Variants in RSRC1 observed in about 807,000 individuals in gnomAD.
RSRC1 encodes serine/Arginine-related protein 53.
In RSRC1, 39 loss-of-function variants were observed where a neutral mutation model predicts 49.1. That is an observed-to-expected ratio of 0.79 (90% CI 0.61 to 1.04). The LOEUF is 1.04. Among genes scored for constraint, RSRC1 ranks in the 50% least tolerant of loss-of-function variants. RSRC1 has a pLI of 0.00. For synonymous variants in RSRC1, 143 were observed against 130.8 expected (o/e 1.09, Z -0.63); for missense variants, 388 against 402.4 (o/e 0.96, Z 0.31).
At chr3:158,393,069 T>G (rs1443750758) in intron 6 of RSRC1, among the ~76,000 whole-genome samples, 1 of 152,120 alleles carries the variant, frequency 6.6e-6, no homozygotes, top group Non-Finnish European at 1.5e-5. Context: ...TGCTTCTTTT[T>G]GTATAAACAA....
rs572276536 is a variant in RSRC1 at position 158,396,281 on chromosome 3, C to T, written c.583+41373C>T. 9.2e-4 allele frequency among the ~76,000 whole-genome samples: 140 copies of T among 152,034 alleles called. 4 individuals are homozygous for T. In the South Asian group the frequency reaches 0.028, roughly 30 times the overall value. ...TGATGAGATAATCTGTTCACCAAAC[C>T]CCCATGACATGCAATTTACCTATAT... On this transcript the variant is annotated intron_variant, in intron 6 of 9. Transcript: ENST00000611884.
chr3:158,328,809 C>A (rs1272358107), intron 5 of RSRC1, among the ~76,000 whole-genome samples: 1 of 152,206 alleles, frequency 6.6e-6, no homozygotes, highest in Non-Finnish European at 1.5e-5. Context: ...GAAAGTTCTC[C>A]TGGATAATAT....
At chr3:158,231,056 A>G (rs1303625612) in intron 4 of RSRC1, among the ~76,000 whole-genome samples, 2 of 151,706 alleles carry the variant, frequency 1.3e-5, no homozygotes, top group African/African-American at 2.4e-5. Flanking sequence ...AGCACACTAT[A>G]GAAATGCTTT....
chr3:158,184,996 GT>G (rs1719845067), intron 3 of RSRC1, among the ~76,000 whole-genome samples: 2 of 148,896 alleles, frequency 1.3e-5, no homozygotes, highest in South Asian at 4.3e-4. Flanking sequence ...AGTTTTCGGA[GT>G]TTGATTTTAC....
chr3:158,484,150 A>G (rs183012990), intron 7 of RSRC1, among the ~76,000 whole-genome samples: 2 of 152,254 alleles, frequency 1.3e-5, no homozygotes, highest in Admixed American at 6.6e-5. Flanking sequence ...CAAGAGAGCT[A>G]TGTGGCAGAA....
At chr3:158,261,273 G>A (rs762297139) in intron 4 of RSRC1, among the ~76,000 whole-genome samples, 6 of 152,148 alleles carry the variant, frequency 3.9e-5, no homozygotes, top group Non-Finnish European at 8.8e-5. Flanking sequence ...GCAAAACTGT[G>A]CGTGGTCAGT....
intron 7 of RSRC1, among the ~76,000 whole-genome samples, chr3:158,467,593 G>A (rs1436287671): frequency 2.0e-5 from 3 of 152,108 alleles, no homozygotes; most frequent in Non-Finnish European, 2.9e-5. Flanking sequence ...TGAAAGATAT[G>A]GTTCTCTGTT....
At chr3:158,198,248 G>C (rs1720767487) in intron 3 of RSRC1, among the ~76,000 whole-genome samples, 1 of 152,014 alleles carries the variant, frequency 6.6e-6, no homozygotes, top group African/African-American at 2.4e-5. Context: ...TTATGTAATG[G>C]CCTTCTTGGT....
chr3:158,138,720 T>A (rs141006699), intron 3 of RSRC1, among the ~76,000 whole-genome samples: 1 of 152,230 alleles, frequency 6.6e-6, no homozygotes, highest in African/African-American at 2.4e-5. Context: ...AAATAATGTT[T>A]CCTATATTCC....
At chr3:158,350,467 C>T (rs953751142) in intron 5 of RSRC1, among the ~76,000 whole-genome samples, 1 of 152,078 alleles carries the variant, frequency 6.6e-6, no homozygotes, top group Non-Finnish European at 1.5e-5. Flanking sequence ...GCCACCATGC[C>T]CAGCGTAGAA....
chr3:158,152,653 C>T (rs1353949460), intron 3 of RSRC1, among the ~76,000 whole-genome samples: 1 of 152,156 alleles, frequency 6.6e-6, no homozygotes, highest in Non-Finnish European at 1.5e-5. Context: ...CTCAATGTTT[C>T]CAGTTCGTGT....
intron 7 of RSRC1, among the ~76,000 whole-genome samples, chr3:158,499,720 A>G: frequency 6.6e-6 from 1 of 152,042 alleles, no homozygotes; most frequent in East Asian, 1.9e-4. Context: ...TGATTTGTAT[A>G]CGTTAATTTG....
rs368803471 is a variant in RSRC1, at chr3:158,141,729, G to A, written c.320+17738G>A. Among the ~76,000 whole-genome samples the A allele has an allele frequency of 2.0e-5, 3 of 152,060 alleles. No homozygotes were observed. The South Asian group carries it at 6.2e-4, about 32-fold the overall frequency. Reference sequence around the variant, plus strand: ...CTTTGTTCCCCGCATTTCATTTTAGGGAATATAAAGCATTTGTGAACCATT... The same window carrying A: ...CTTTGTTCCCCGCATTTCATTTTAGAGAATATAAAGCATTTGTGAACCATT... On this transcript the variant is annotated intron_variant, in intron 3 of 9. Coordinates refer to ENST00000611884, the MANE Select transcript of RSRC1 (RefSeq NM_001271838.2).
intron 4 of RSRC1, among the ~76,000 whole-genome samples, chr3:158,266,003 C>T (rs1725153330): frequency 6.6e-6 from 1 of 151,966 alleles, no homozygotes; most frequent in African/African-American, 2.4e-5. Flanking sequence ...AATAAATTTC[C>T]TATATATATG....
rs559714419 is a variant in RSRC1, at chr3:158,534,711, A to G, written c.653-2381A>G. On this transcript the variant is annotated intron_variant, in intron 7 of 9. Transcript: ENST00000611884. ...GAAGACTAGAAACAACTAACCATCC[A>G]TAGGCCATTCGTGGAAAAACCTATC... Among the ~76,000 whole-genome samples the G allele has an allele frequency of 2.6e-5, 4 of 151,744 alleles. No individual in the cohort carries two copies. In the East Asian group the frequency reaches 7.7e-4, roughly 29 times the overall value.
At chr3:158,307,963 G>T (rs560151328) in intron 5 of RSRC1, among the ~76,000 whole-genome samples, 1 of 151,544 alleles carries the variant, frequency 6.6e-6, no homozygotes, top group Non-Finnish European at 1.5e-5. Context: ...TAAATATTTC[G>T]GCTAAAATTT....
At chr3:158,508,938 C>T (rs1578557759) in intron 7 of RSRC1, among the ~76,000 whole-genome samples, 1 of 152,108 alleles carries the variant, frequency 6.6e-6, no homozygotes, top group African/African-American at 2.4e-5. Flanking sequence ...GATATTTTCT[C>T]CTGTTGGTTG....
chr3:158,315,225 A>G (rs915154433), intron 5 of RSRC1, among the ~76,000 whole-genome samples: 1 of 152,140 alleles, frequency 6.6e-6, no homozygotes, highest in Non-Finnish European at 1.5e-5. Context: ...GAGTACATGC[A>G]CATATATGCA....
intron 6 of RSRC1, among the ~76,000 whole-genome samples, chr3:158,405,376 TTC>T (rs1734110887): frequency 6.6e-6 from 1 of 152,124 alleles, no homozygotes; most frequent in Admixed American, 6.6e-5. Flanking sequence ...CCTGTGTGAA[TTC>T]TGTTAATTTT....
Sources: allele counts gnomAD v4.1 joint callset (sites outside exome capture counted in the v4.1 genomes callset), GRCh38; gene constraint gnomAD v4.1.1; transcripts MANE v1.5; gene names NCBI Gene and HGNC (gene_info 2026-07-23, HGNC 2026-07-21).